XPOT: variants seen among roughly 807,000 people sequenced by gnomAD.
XPOT encodes the protein exportin-T.
A neutral mutation model predicts 128.2 loss-of-function variants in XPOT; 34 were observed. The ratio of observed to expected loss-of-function variants is 0.27; its 90% CI spans 0.20 to 0.35. The LOEUF is 0.35. Among genes scored for constraint, XPOT ranks in the 10% least tolerant of loss-of-function variants. XPOT has a pLI of 1.00. For missense variants in XPOT, 838 were observed against 1,125.3 expected, an observed-to-expected ratio of 0.74 and a Z score of 3.65; for synonymous variants, 348 against 394.3, an observed-to-expected ratio of 0.88 and a Z score of 1.39.
At chr12:64,418,303 A>G (rs1265151014) in intron 5 of XPOT, among the ~76,000 whole-genome samples, 188 bp downstream of exon 5, 4 of 152,228 alleles carry the variant, frequency 2.6e-5, no homozygotes, top group African/African-American at 9.6e-5. Context: ...TATTATATCA[A>G]TGACTGAAAT....
Position 64,434,525 on chromosome 12 carries a change from G to A in XPOT, c.2471G>A (p.Arg824Lys), listed in dbSNP as rs763989900. 1.1e-5 allele frequency: 17 copies of A among 1,613,620 alleles called. No individual in the cohort carries two copies. Among genetic ancestry groups the A allele is most frequent in the African/African-American group, 1.3e-5 (1 of 75,052 alleles). Residue 824 changes from arginine to lysine, a missense_variant, in exon 20 of 25, where the codon AGA becomes AAA. Physicochemically the swap from Arg to Lys is conservative, Grantham distance 26. Around this residue, in one of 3 missense-constraint regions of XPOT, gnomAD observed 761 missense variants for 988.3 expected, o/e 0.77. Transcript: ENST00000332707. ...TCCTCAGGTGCAGAGAATGTAGAAA[G>A]AGTGTTGGTTACTGTTATCCAAGGA... ...IANQGAENVE[R>K]VLVTVIQGAV...
At chr12:64,408,041 C>G (rs1341846466) in intron 1 of XPOT, among the ~76,000 whole-genome samples, 2 of 152,152 alleles carry the variant, frequency 1.3e-5, no homozygotes, top group Non-Finnish European at 2.9e-5. Context: ...GGCTTTTCTC[C>G]CCTACCCCCA....
At position 64,420,344 on chromosome 12, in the gene XPOT, C is replaced by T; in HGVS notation, c.675-9C>T. ...TGAAAATGTTACAATTTTATTGTCC[C>T]ATTACCAGGTTTATAAATATGCTGC... On this transcript the variant is annotated splice_polypyrimidine_tract_variant and intron_variant, in intron 7 of 24. Coordinates refer to ENST00000332707, the MANE Select transcript of XPOT (RefSeq NM_007235.6). The T allele has an allele frequency of 3.7e-6, 6 of 1,609,004 alleles. No homozygotes were observed. The highest frequency in any genetic ancestry group is 5.1e-6 in the Non-Finnish European group (6 of 1,178,186).
chr12:64,410,114 T>G lies in XPOT; in HGVS notation c.60+19T>G. ...ACAAAGGGTAAGTTACTCTGCTGAA[T>G]CATTTTTTAATCATGTCACCACAGA... On this transcript the variant is annotated intron_variant, in intron 2 of 24. Coordinates refer to ENST00000332707, the MANE Select transcript of XPOT (RefSeq NM_007235.6). 1 of 1,612,398 alleles carries G rather than the reference T, an allele frequency of 6.2e-7. No homozygotes were observed. The highest frequency in any genetic ancestry group is 8.5e-7 in the Non-Finnish European group (1 of 1,178,966).
Position 64,424,707 on chromosome 12 carries a change from T to C in XPOT, c.1291T>C (p.Phe431Leu). ...ELLLASVRRV[F>L]SSTLQNWQTT... is the part of the protein sequence containing the mutation. ...ACTACTGGCCTCTGTTCGCAGAGTT[T>C]TTAGTTCTACACTGCAGTAAGTTTG... The change falls in exon 12 of 25, where the codon TTT becomes CTT. Residue 431 changes from phenylalanine to leucine, a missense_variant. By Grantham distance (22) the Phe-to-Leu change is conservative. Around this residue, in one of 3 missense-constraint regions of XPOT, gnomAD observed 761 missense variants for 988.3 expected, o/e 0.77. Transcript: ENST00000332707. 1 of 1,613,802 alleles carries C rather than the reference T, an allele frequency of 6.2e-7. No homozygotes were observed. Among genetic ancestry groups the C allele is most frequent in the Non-Finnish European group, 8.5e-7 (1 of 1,179,990 alleles).
chr12:64,415,089 T>C, intron 3 of XPOT, 100 bp downstream of exon 3: 1 of 799,942 alleles, frequency 1.3e-6, no homozygotes, highest in South Asian at 1.6e-5. Flanking sequence ...TAAAAACATT[T>C]TATGACTTTT....
chr12:64,423,200 A>T lies in XPOT; in HGVS notation c.1138A>T (p.Met380Leu). 1 of 1,596,972 alleles carries T rather than the reference A, an allele frequency of 6.3e-7. No individual in the cohort carries two copies. The highest frequency in any genetic ancestry group is 1.7e-4 in the Middle Eastern group (1 of 5,716). ...ANVEAIMLAV[M>L]KKLTYDEEYN... ...TTCTTAGGCAATCATGTTGGCCGTT[A>T]TGAAAAAATTGACTTACGATGAAGA... Residue 380 changes from methionine to leucine, a missense_variant, in exon 11 of 25, where the codon ATG (methionine) becomes TTG (leucine). Met to Leu is a conservative substitution (Grantham distance 15). This residue lies in a region of XPOT where 761 missense variants were observed against 988.3 expected (regional missense o/e 0.77). Coordinates refer to ENST00000332707, the MANE Select transcript of XPOT (RefSeq NM_007235.6).
Position 64,442,079 on chromosome 12 carries a change from TG to T in XPOT, c.2805+2773del, listed in dbSNP as rs36032349. On this transcript the variant is annotated intron_variant, in intron 23 of 24. Transcript: ENST00000332707. ...GTGTCATTTTACATAATGTGTAAAG[TG>T]GGGGGGGGACCCTTTTATTGCAAAG... 5.7e-3 allele frequency among the ~76,000 whole-genome samples: 865 copies of T among 150,930 alleles called. 11 individuals are homozygous for T. Among genetic ancestry groups the T allele is most frequent in the African/African-American group, 0.019 (782 of 41,086 alleles).
chr12:64,425,858 A>C lies in XPOT; in HGVS notation c.1616A>C (p.Lys539Thr), dbSNP rs1251471649. The stretch of plus-strand genomic sequence containing the variant: ...AGAGGTCTGCGGCATTCCAGTGCAA[A>C]AGTTCGGAGCAGGACGGCTTACCTG... ...DHRGLRHSSA[K>T]VRSRTAYLFS... Residue 539 changes from lysine to threonine, a missense_variant, in exon 15 of 25, where the codon AAA becomes ACA. By Grantham distance (78) the Lys-to-Thr change is moderately conservative. Around this residue, in one of 3 missense-constraint regions of XPOT, gnomAD observed 761 missense variants for 988.3 expected, o/e 0.77. Coordinates refer to ENST00000332707, the MANE Select transcript of XPOT (RefSeq NM_007235.6). 1 of 1,614,172 alleles carries C rather than the reference A, an allele frequency of 6.2e-7. No individual in the cohort carries two copies. The highest frequency in any genetic ancestry group is 1.7e-5 in the Admixed American group (1 of 60,012).
chr12:64,433,914 A>G (rs1423670783), intron 19 of XPOT, among the ~76,000 whole-genome samples: 1 of 152,238 alleles, frequency 6.6e-6, no homozygotes, highest in Admixed American at 6.5e-5. Context: ...ATTTTGAAAT[A>G]TAAAATAAAT....
At chr12:64,414,761 G>T in intron 2 of XPOT, 146 bp from the exon 3 acceptor site, 1 of 549,516 alleles carries the variant, frequency 1.8e-6, no homozygotes, top group Non-Finnish European at 3.3e-6. Flanking sequence ...CATATATTCG[G>T]AAGCCTGCAT....
rs538014563 is a variant in XPOT, at chr12:64,450,707, T to A, written c.*2576T>A. The A allele has an allele frequency of 6.6e-6, 1 of 152,332 alleles. No homozygotes were observed. The highest frequency in any genetic ancestry group is 6.5e-5 in the Admixed American group (1 of 15,298). 9.4% of individuals were successfully genotyped at this position (152,332 alleles called of 1,614,324 possible). ...TTCCAAAAGCAAGTACTCAAATAATTGTCTCAAGAGAGGAAGGACAAAACT... is the reference window on the plus strand; with the variant it reads ...TTCCAAAAGCAAGTACTCAAATAATAGTCTCAAGAGAGGAAGGACAAAACT... On this transcript the variant is annotated 3_prime_UTR_variant, in exon 25 of 25. Coordinates refer to ENST00000332707, the MANE Select transcript of XPOT (RefSeq NM_007235.6).
chr12:64,408,684 T>G (rs1019182374), intron 1 of XPOT, among the ~76,000 whole-genome samples: 1 of 151,672 alleles, frequency 6.6e-6, no homozygotes, highest in African/African-American at 2.4e-5. Context: ...GTGTGTTTTG[T>G]TTTTTTTGAG....
intron 2 of XPOT, among the ~76,000 whole-genome samples, chr12:64,414,648 C>T (rs888946774): frequency 3.3e-5 from 5 of 152,118 alleles, no homozygotes; most frequent in Admixed American, 1.3e-4. Context: ...ATGAAGGCTG[C>T]GGGGCATTTT....
chr12:64,441,693 TA>T (rs1385984385), intron 23 of XPOT, among the ~76,000 whole-genome samples: 1 of 152,210 alleles, frequency 6.6e-6, no homozygotes, highest in Non-Finnish European at 1.5e-5. Context: ...AATTTATTTT[TA>T]TTTTTTTTGA....
rs2040394596 is a variant in XPOT, at chr12:64,449,668, T to G, written c.*1537T>G. ...TTTTTCTTACACCATATAATAAAAA[T>G]ACTTAACTAAATTGACAGTTATAAA... On this transcript the variant is annotated 3_prime_UTR_variant, in exon 25 of 25. Coordinates refer to ENST00000332707, the MANE Select transcript of XPOT (RefSeq NM_007235.6). The G allele has an allele frequency of 6.6e-6, 1 of 152,236 alleles. No individual in the cohort carries two copies. The highest frequency in any genetic ancestry group is 2.4e-5 in the African/African-American group (1 of 41,470). The allele number at this position is 152,236 out of a possible 1,614,324, so 9.4% of individuals were successfully genotyped here.
At chr12:64,419,474 C>T (rs909316362) in intron 6 of XPOT, among the ~76,000 whole-genome samples, 21 of 152,086 alleles carry the variant, frequency 1.4e-4, no homozygotes, top group Non-Finnish European at 2.4e-4. Context: ...CATGCCACCA[C>T]GCCTGGCTAA....
At chr12:64,422,965 C>T in intron 9 of XPOT, 40 bp from the exon 10 acceptor site, 1 of 1,573,596 alleles carries the variant, frequency 6.4e-7, no homozygotes, top group Non-Finnish European at 8.7e-7. Context: ...GCAGGTATAA[C>T]TTTAGAAAAC....
chr12:64,427,871 A>G (rs146134325), intron 15 of XPOT, among the ~76,000 whole-genome samples, 180 bp from the exon 16 acceptor site: 7 of 152,318 alleles, frequency 4.6e-5, no homozygotes, highest in Non-Finnish European at 8.8e-5. Flanking sequence ...CATTTTGACA[A>G]TCTTATCACT....
Sources: allele counts gnomAD v4.1 joint callset (sites outside exome capture counted in the v4.1 genomes callset), GRCh38; gene constraint gnomAD v4.1.1; regional missense constraint gnomAD v4.1.1; transcripts MANE v1.5; gene names NCBI Gene and HGNC (gene_info 2026-07-23, HGNC 2026-07-21).